The following GPRIN3 variants were observed in gnomAD, a reference collection of about 807,000 sequenced individuals.
The protein encoded by GPRIN3 is G protein-regulated inducer of neurite outgrowth 3.
Under a neutral mutation model 13.7 loss-of-function variants are expected in GPRIN3, and 12 were observed. The observed-to-expected ratio is 0.87, with a 90% confidence interval of 0.56 to 1.42. The LOEUF (loss-of-function observed/expected upper bound fraction) is 1.42, where lower values mean the gene tolerates loss of function less well. Ranked by LOEUF, GPRIN3 falls within the 40% of genes most tolerant of loss-of-function variation. The probability of loss-of-function intolerance (pLI) is 0.00; values close to 1 mark genes in which losing one functional copy is unlikely to be tolerated. For synonymous variants in GPRIN3, 377 were observed against 372.7 expected (o/e 1.01, Z -0.13); for missense variants, 1,009 against 958.7 (o/e 1.05, Z -0.69).
At chr4:89,306,817 C>T (rs1208022991) in intron 1 of GPRIN3, among the ~76,000 whole-genome samples, 1 of 152,160 alleles carries the variant, frequency 6.6e-6, no homozygotes, top group Non-Finnish European at 1.5e-5. Context: ...GGATTCGATG[C>T]CTTCCCATCA....
intron 1 of GPRIN3, among the ~76,000 whole-genome samples, chr4:89,256,237 T>C (rs866400541): frequency 6.6e-5 from 10 of 152,134 alleles, no homozygotes; most frequent in Non-Finnish European, 7.3e-5. Context: ...TATATCTATA[T>C]ATATCTCCCT....
At chr4:89,250,295 C>T (rs1723292656) in intron 1 of GPRIN3, 62 bp from the exon 2 acceptor site, 1 of 1,221,852 alleles carries the variant, frequency 8.2e-7, no homozygotes, top group Non-Finnish European at 1.1e-6. Flanking sequence ...AAAAATAAAC[C>T]AAACTGTCGT....
chr4:89,291,705 T>C (rs1273744035), intron 1 of GPRIN3, among the ~76,000 whole-genome samples: 1 of 152,162 alleles, frequency 6.6e-6, no homozygotes, highest in Non-Finnish European at 1.5e-5. Flanking sequence ...TAAGTGAACA[T>C]TTAACTTTAT....
At chr4:89,259,612 C>T (rs1377466774) in intron 1 of GPRIN3, among the ~76,000 whole-genome samples, 2 of 152,246 alleles carry the variant, frequency 1.3e-5, no homozygotes, top group Non-Finnish European at 2.9e-5. Context: ...AAGTGCCACT[C>T]AGCCTTACAA....
intron 1 of GPRIN3, among the ~76,000 whole-genome samples, chr4:89,307,271 A>T (rs1008436355): frequency 1.6e-5 from 1 of 63,954 alleles, no homozygotes; most frequent in African/African-American, 6.6e-5. Flanking sequence ...GACAAATGTC[A>T]CACACACACA....
chr4:89,249,349 G>A lies in GPRIN3; in HGVS notation c.762C>T (p.Ala254=), dbSNP rs746314788. ...CSENKQPSVT[A]SGPQGTTSVT... ...CAGAAGTTGTGCCTTGGGGGCCCGAGGCAGTGACAGAGGGCTGCTTGTTCT... is the reference window on the plus strand; with the variant it reads ...CAGAAGTTGTGCCTTGGGGGCCCGAAGCAGTGACAGAGGGCTGCTTGTTCT... Residue 254 remains alanine (A), a synonymous_variant, in exon 2 of 2, where the codon GCC becomes GCT. Transcript: ENST00000609438. The A allele has an allele frequency of 6.2e-7, 1 of 1,614,142 alleles. No homozygotes were observed. Among genetic ancestry groups the A allele is most frequent in the Non-Finnish European group, 8.5e-7 (1 of 1,180,024 alleles).
At chr4:89,253,327 A>C (rs1190234496) in intron 1 of GPRIN3, among the ~76,000 whole-genome samples, 1 of 152,220 alleles carries the variant, frequency 6.6e-6, no homozygotes, top group Non-Finnish European at 1.5e-5. Context: ...AAATGTTAAG[A>C]AAAACATAAT....
In GPRIN3 at chr4:89,237,886, A is replaced by G. The variant is rs1055708535; in HGVS notation, c.*9894T>C. 6.6e-6 allele frequency: 1 copy of G among 152,196 alleles called. No homozygotes were observed. The highest frequency in any genetic ancestry group is 1.5e-5 in the Non-Finnish European group (1 of 68,046). The allele number at this position is 152,196 out of a possible 1,614,324, so 9.4% of individuals were successfully genotyped here. ...GAAGAATGAGAACATTTGGCTGGAA[A>G]CGGCACCTAATGAAACAAACACCCA... On this transcript the variant is annotated 3_prime_UTR_variant, in exon 2 of 2. Transcript: ENST00000609438.
chr4:89,275,549 A>T (rs571424653), intron 1 of GPRIN3, among the ~76,000 whole-genome samples: 2 of 152,308 alleles, frequency 1.3e-5, no homozygotes, highest in South Asian at 2.1e-4. Context: ...TTCAGAACAG[A>T]TTCCCTGACA....
chr4:89,279,816 T>A (rs1470383169), intron 1 of GPRIN3, among the ~76,000 whole-genome samples: 1 of 152,214 alleles, frequency 6.6e-6, no homozygotes, highest in Non-Finnish European at 1.5e-5. Flanking sequence ...ATTTCCTAAA[T>A]GTTGGCATTT....
intron 1 of GPRIN3, among the ~76,000 whole-genome samples, chr4:89,255,737 CT>C (rs1723448135): frequency 6.6e-6 from 1 of 152,180 alleles, no homozygotes; most frequent in Non-Finnish European, 1.5e-5. Flanking sequence ...TAGCAAGGTT[CT>C]TGCTAAAACT....
intron 1 of GPRIN3, among the ~76,000 whole-genome samples, chr4:89,279,038 G>A (rs1391178826): frequency 1.3e-5 from 2 of 152,214 alleles, no homozygotes; most frequent in African/African-American, 4.8e-5. Context: ...ACGAGGAGAA[G>A]GCAGGGCAGC....
At chr4:89,275,904 G>A (rs1446765650) in intron 1 of GPRIN3, among the ~76,000 whole-genome samples, 2 of 152,130 alleles carry the variant, frequency 1.3e-5, no homozygotes, top group Non-Finnish European at 2.9e-5. Flanking sequence ...CACCTTAATG[G>A]GGGTCAGTTT....
chr4:89,261,584 CA>C (rs1456438874), intron 1 of GPRIN3, among the ~76,000 whole-genome samples: 1 of 152,124 alleles, frequency 6.6e-6, no homozygotes, highest in African/African-American at 2.4e-5. Context: ...CAATGTTTAT[CA>C]AAAATGCCAG....
At chr4:89,256,264 T>G (rs1561191349) in intron 1 of GPRIN3, among the ~76,000 whole-genome samples, 2 of 152,122 alleles carry the variant, frequency 1.3e-5, no homozygotes, top group Non-Finnish European at 2.9e-5. Flanking sequence ...GAGGGAACCT[T>G]CTATTTGCAA....
rs1363386262 is a variant in GPRIN3, at chr4:89,242,401, A to G, written c.*5379T>C. 10 of 152,330 alleles carry G rather than the reference A, an allele frequency of 6.6e-5. No individual in the cohort carries two copies. The East Asian group carries it at 1.9e-3, about 29-fold the overall frequency. The allele number at this position is 152,330 out of a possible 1,614,324, so 9.4% of individuals were successfully genotyped here. ...CTACATGCTAGTGTCCAGAAAGAGT[A>G]ATTACCATAAGTTTAAAGTCTCCAT... On this transcript the variant is annotated 3_prime_UTR_variant, in exon 2 of 2. Transcript: ENST00000609438.
At chr4:89,292,045 CATGA>C (rs1232600494) in intron 1 of GPRIN3, among the ~76,000 whole-genome samples, 1 of 152,118 alleles carries the variant, frequency 6.6e-6, no homozygotes, top group Non-Finnish European at 1.5e-5. Flanking sequence ...TCTTTGTGTA[CATGA>C]AGCTCTGCCA....
At chr4:89,265,397 C>G (rs940604060) in intron 1 of GPRIN3, among the ~76,000 whole-genome samples, 3 of 151,772 alleles carry the variant, frequency 2.0e-5, no homozygotes, top group African/African-American at 4.8e-5. Flanking sequence ...ATTACAATAC[C>G]CCTTTTTGTT....
intron 1 of GPRIN3, among the ~76,000 whole-genome samples, chr4:89,294,872 C>T (rs982432280): frequency 7.9e-5 from 12 of 152,188 alleles, no homozygotes; most frequent in Admixed American, 7.9e-4. Flanking sequence ...TGCTTTAAAA[C>T]ATCTTAACAA....
Sources: gnomAD v4.1 joint callset for allele counts (sites outside exome capture counted in the v4.1 genomes callset) on GRCh38, gnomAD v4.1.1 for gene constraint, MANE v1.5 for transcripts, NCBI Gene and HGNC (gene_info 2026-07-23, HGNC 2026-07-21) for gene names.